The following ZFHX3 variants were observed in gnomAD, a reference collection of about 807,000 sequenced individuals.
ZFHX3 encodes the protein zinc finger homeobox 3.
In ZFHX3, 42 loss-of-function variants were observed where a neutral mutation model predicts 279.1. That is an observed-to-expected ratio of 0.15 (90% CI 0.12 to 0.19). ZFHX3 has a LOEUF of 0.19. ZFHX3 is among the 10% of genes least tolerant of loss of function. The pLI is 1.00. For synonymous variants in ZFHX3, 2,293 were observed against 1,957.8 expected, an observed-to-expected ratio of 1.17 and a Z score of -4.52; for missense variants, 4,981 against 4,754.0, an observed-to-expected ratio of 1.05 and a Z score of -1.40.
chr16:73,672,802 T>A (rs2052917276), intron 2 of ZFHX3, among the ~76,000 whole-genome samples: 1 of 152,140 alleles, frequency 6.6e-6, no homozygotes, highest in Non-Finnish European at 1.5e-5. Context: ...ATATGAGGAA[T>A]CTGTATATCC....
rs748521569 is a variant in ZFHX3, at chr16:72,958,915, G to A, written c.1231C>T (p.Leu411=). The change falls in exon 2 of 10, where the codon CTG becomes TTG. Residue 411 remains leucine (L), a synonymous_variant. Coordinates refer to ENST00000268489, the MANE Select transcript of ZFHX3 (RefSeq NM_006885.4). The part of the protein sequence containing the change: ...LNLGGLTSSV[L]KTPITSVPLG... The stretch of plus-strand genomic sequence containing the variant: ...GGGACTGAGGTAATGGGGGTCTTCA[G>A]TACCGAGCTGGTGAGCCCGCCAAGG... 1 of 1,602,926 alleles carries A rather than the reference G, an allele frequency of 6.2e-7. No individual in the cohort carries two copies. Among genetic ancestry groups the A allele is most frequent in the Non-Finnish European group, 8.5e-7 (1 of 1,174,210 alleles).
At chr16:73,245,936 C>A (rs2013267983) in intron 5 of ZFHX3, among the ~76,000 whole-genome samples, 1 of 152,056 alleles carries the variant, frequency 6.6e-6, no homozygotes, top group African/African-American at 2.4e-5. Flanking sequence ...GGGCGTGGAC[C>A]ATGATAGGCT....
intron 1 of ZFHX3, among the ~76,000 whole-genome samples, chr16:73,782,474 T>G (rs1959505475): frequency 6.6e-6 from 1 of 152,218 alleles, no homozygotes; most frequent in South Asian, 2.1e-4. Flanking sequence ...AGAGGAGGAC[T>G]TGAAGGACGC....
intron 2 of ZFHX3, among the ~76,000 whole-genome samples, chr16:73,518,552 T>C (rs1028738294): frequency 4.6e-5 from 7 of 152,180 alleles, no homozygotes; most frequent in Non-Finnish European, 1.0e-4. Context: ...AGTTAGCTCC[T>C]GGTCTGACAG....
rs116005261 is a variant in ZFHX3 at position 73,039,714 on chromosome 16, T to C, written c.-50+8038A>G. Reference sequence around the variant, plus strand: ...ATCTCTTTTTTTATTTTTTTATTTTTAGTAGAGATGGAGTTTCACCACGTT... The same window carrying C: ...ATCTCTTTTTTTATTTTTTTATTTTCAGTAGAGATGGAGTTTCACCACGTT... On this transcript the variant is annotated intron_variant, in intron 1 of 9. Transcript: ENST00000268489. Among the ~76,000 whole-genome samples the C allele has an allele frequency of 9.0e-3, 1,365 of 152,290 alleles. 14 individuals are homozygous for C. Among genetic ancestry groups the C allele is most frequent in the African/African-American group, 0.03 (1,253 of 41,558 alleles).
rs148324032 is a variant in ZFHX3 at position 73,403,179 on chromosome 16, G to A, written c.-1291+52824C>T. On this transcript the variant is annotated intron_variant, in intron 3 of 17. Coordinates refer to the ZFHX3 transcript ENST00000641206. ...AGGTTGAGGGAGCATTTTCAGAAAG[G>A]GGGTCCAATTTATATCCGTTGCAGT... Among the ~76,000 whole-genome samples the A allele has an allele frequency of 2.0e-4, 31 of 152,316 alleles. 1 individual carries two copies. Among genetic ancestry groups the A allele is most frequent in the Admixed American group, 2.0e-3 (31 of 15,296 alleles).
At position 73,550,611 on chromosome 16, in the gene ZFHX3, G is replaced by C. The variant is rs539048192; in HGVS notation, c.-1546-94353C>G. On this transcript the variant is annotated intron_variant, in intron 2 of 17. Transcript: ENST00000641206. ...AACAATGAGGTCAGATACAAATTGT[G>C]GATGAAGTGGTCTGGCTCTACCATT... Among the ~76,000 whole-genome samples the C allele has an allele frequency of 4.6e-5, 7 of 152,262 alleles. No homozygotes were observed. In the South Asian group the frequency reaches 1.5e-3, roughly 32 times the overall value.
At chr16:73,198,302 G>C (rs1968197699) in intron 5 of ZFHX3, among the ~76,000 whole-genome samples, 2 of 150,030 alleles carry the variant, frequency 1.3e-5, no homozygotes, top group African/African-American at 4.9e-5. Flanking sequence ...TTAACTGCAT[G>C]AATACCATTG....
chr16:73,338,082 C>T (rs183250675), intron 3 of ZFHX3, among the ~76,000 whole-genome samples: 65 of 152,288 alleles, frequency 4.3e-4, no homozygotes, highest in Admixed American at 3.1e-3. Context: ...CAAAACCCTA[C>T]GTCTGATAAA....
chr16:73,284,636 GTC>G (rs1263608487), intron 4 of ZFHX3, among the ~76,000 whole-genome samples: 1 of 152,072 alleles, frequency 6.6e-6, no homozygotes, highest in African/African-American at 2.4e-5. Flanking sequence ...ACTTTTATAA[GTC>G]TCTGTTTTTT....
At chr16:73,596,895 T>C (rs1409193124) in intron 2 of ZFHX3, among the ~76,000 whole-genome samples, 1 of 152,164 alleles carries the variant, frequency 6.6e-6, no homozygotes, top group Non-Finnish European at 1.5e-5. Context: ...TACACTCTTC[T>C]GCCATATTGA....
rs1267854671 is a variant in ZFHX3 at position 72,794,767 on chromosome 16, G to C, written c.7915C>G (p.Gln2639Glu). Residue 2639 changes from glutamine to glutamate, a missense_variant, in exon 9 of 10, where the codon CAG becomes GAG. Transcript: ENST00000268489. The surrounding 1 kb of genome is among the most constrained non-coding windows in gnomAD (Gnocchi z 4.2). ...NDSGTGGEEP[Q>E]RDKRLRTTIT... ...GTTGTTCTCAAACGCTTGTCTCTCTGAGGCTCTTCTCCTCCTGTCCCACTG... is the reference window on the plus strand; with the variant it reads ...GTTGTTCTCAAACGCTTGTCTCTCTCAGGCTCTTCTCCTCCTGTCCCACTG... 4 of 1,614,198 alleles carry C rather than the reference G, an allele frequency of 2.5e-6. No homozygotes were observed. The Admixed American group carries it at 5.0e-5, about 20-fold the overall frequency.
At chr16:73,760,804 G>C (rs969301633) in intron 1 of ZFHX3, among the ~76,000 whole-genome samples, 2 of 151,884 alleles carry the variant, frequency 1.3e-5, no homozygotes, top group African/African-American at 4.8e-5. Context: ...AATAAAGAAA[G>C]GTACATTTGA....
At chr16:73,667,565 G>A (rs912174542) in intron 2 of ZFHX3, among the ~76,000 whole-genome samples, 2 of 152,074 alleles carry the variant, frequency 1.3e-5, no homozygotes, top group African/African-American at 4.8e-5. Context: ...TTGCTTATTT[G>A]CCACAAGATA....
chr16:73,850,161 A>C (rs1961558375), intron 1 of ZFHX3, among the ~76,000 whole-genome samples: 1 of 152,242 alleles, frequency 6.6e-6, no homozygotes, highest in Non-Finnish European at 1.5e-5. Flanking sequence ...CTGGTGATAA[A>C]TAACAAAAGA....
At chr16:73,834,905 T>C (rs373282715) in intron 1 of ZFHX3, among the ~76,000 whole-genome samples, 2 of 123,102 alleles carry the variant, frequency 1.6e-5, no homozygotes, top group African/African-American at 5.3e-5. Context: ...AAAAGAAGCG[T>C]CTCCCCCCGT....
At chr16:72,999,504 C>T (rs780550871) in intron 1 of ZFHX3, among the ~76,000 whole-genome samples, 2 of 152,140 alleles carry the variant, frequency 1.3e-5, no homozygotes, top group Non-Finnish European at 2.9e-5. Flanking sequence ...AATCCACAGG[C>T]TTGGGAATCA....
intron 1 of ZFHX3, among the ~76,000 whole-genome samples, chr16:73,844,480 A>G (rs1961392927): frequency 6.6e-6 from 1 of 152,230 alleles, no homozygotes; most frequent in Non-Finnish European, 1.5e-5. Context: ...CCTATGTGAC[A>G]GGAATTATTC....
rs552356680 is a variant in ZFHX3, at chr16:72,876,893, C to G, written c.3448+12838G>C. On this transcript the variant is annotated intron_variant, in intron 4 of 9. Coordinates refer to ENST00000268489, the MANE Select transcript of ZFHX3 (RefSeq NM_006885.4). Reference sequence around the variant, plus strand: ...TGCCAACATCCTTCCCTCTGGGGGTCTTTCAACGTGAGCCTGACAATCCCA... The same window carrying G: ...TGCCAACATCCTTCCCTCTGGGGGTGTTTCAACGTGAGCCTGACAATCCCA... 9.2e-5 allele frequency among the ~76,000 whole-genome samples: 14 copies of G among 152,248 alleles called. No homozygotes were observed. The South Asian group carries it at 2.9e-3, about 32-fold the overall frequency.
Sources: allele counts gnomAD v4.1 joint callset (sites outside exome capture counted in the v4.1 genomes callset), GRCh38; gene constraint gnomAD v4.1.1; non-coding constraint Gnocchi (gnomAD v3.1); transcripts MANE v1.5; gene names NCBI Gene and HGNC (gene_info 2026-07-23, HGNC 2026-07-21).